Variants in NRG3 observed in about 807,000 individuals in gnomAD.
NRG3 encodes the protein neuregulin 3.
A neutral mutation model predicts 66.9 loss-of-function variants in NRG3; 31 were observed. That is an observed-to-expected ratio of 0.46 (90% CI 0.35 to 0.63). The LOEUF (loss-of-function observed/expected upper bound fraction) is 0.63, where lower values mean the gene tolerates loss of function less well. Ranked by LOEUF, NRG3 falls within the 20% of genes least tolerant of loss-of-function variation. The pLI is 0.00. For synonymous variants in NRG3, 393 were observed against 359.4 expected (o/e 1.09, Z -1.06); for missense variants, 910 against 878.9 (o/e 1.04, Z -0.45).
chr10:82,680,167 A>G (rs1029278981), intron 2 of NRG3, among the ~76,000 whole-genome samples: 3 of 152,140 alleles, frequency 2.0e-5, no homozygotes, highest in African/African-American at 7.2e-5. Flanking sequence ...AATAGGTACT[A>G]TTGTTGCAAT....
chr10:82,827,283 A>C (rs1037611731), intron 3 of NRG3: 1 of 347,528 alleles, frequency 2.9e-6, no homozygotes, highest in African/African-American at 2.2e-5. Context: ...ACAACAACAA[A>C]AAGAAAACAA....
intron 2 of NRG3, among the ~76,000 whole-genome samples, chr10:82,419,958 T>A (rs2136227808): frequency 6.6e-6 from 1 of 152,306 alleles, no homozygotes; most frequent in East Asian, 1.9e-4. Context: ...TGGTCTATAT[T>A]GTTCCTCTAG....
rs1419344637 is a variant in NRG3, at chr10:81,875,779, T to A, written c.439T>A (p.Ser147Thr). 1.9e-6 allele frequency: 3 copies of A among 1,611,226 alleles called. No homozygotes were observed. The East Asian group carries it at 6.7e-5, about 36-fold the overall frequency. ...CACCCCCTCCGCCGGGGGTGCCGCC[T>A]CCTCCAGGACGCCCAACCGGATTAG... ...PATPSAGGAA[S>T]SRTPNRISTR... Residue 147 changes from serine to threonine, a missense_variant, in exon 1 of 9, where the codon TCC (serine) becomes ACC (threonine). Physicochemically the swap from Ser to Thr is moderately conservative, Grantham distance 58 (BLOSUM62 1). Coordinates refer to ENST00000372141, the MANE Select transcript of NRG3 (RefSeq NM_001010848.4). This position sits in a 1 kb window ranked among gnomAD's most constrained non-coding sequence, Gnocchi z 5.3.
At chr10:82,721,693 G>T (rs1828266389) in intron 2 of NRG3, among the ~76,000 whole-genome samples, 1 of 152,294 alleles carries the variant, frequency 6.6e-6, no homozygotes, top group East Asian at 1.9e-4. Context: ...AAAATGCTGG[G>T]ATTACAGGCG....
chr10:82,329,051 G>T (rs2082009854), intron 1 of NRG3, among the ~76,000 whole-genome samples: 1 of 152,156 alleles, frequency 6.6e-6, no homozygotes, highest in Admixed American at 6.6e-5. Flanking sequence ...GGTATACAGG[G>T]GAGTGGAGAA....
chr10:82,539,031 A>G (rs185878456), intron 2 of NRG3, among the ~76,000 whole-genome samples: 45 of 152,306 alleles, frequency 3.0e-4, no homozygotes, highest in African/African-American at 1.0e-3. Context: ...TCATCCCGCA[A>G]GATTGGATTT....
intron 5 of NRG3, 99 bp from the exon 6 acceptor site, chr10:82,958,850 G>C: frequency 7.6e-7 from 1 of 1,323,016 alleles, no homozygotes; most frequent in South Asian, 1.9e-5. Context: ...TTTAACTTTA[G>C]CAAATAACAA....
intron 2 of NRG3, among the ~76,000 whole-genome samples, chr10:82,474,633 A>G (rs1276529069): frequency 6.6e-6 from 1 of 152,132 alleles, no homozygotes; most frequent in Non-Finnish European, 1.5e-5. Flanking sequence ...GGCCATTACC[A>G]AGGGGACCAA....
chr10:82,457,067 T>G (rs2091298301), intron 2 of NRG3, among the ~76,000 whole-genome samples: 1 of 152,164 alleles, frequency 6.6e-6, no homozygotes, highest in Non-Finnish European at 1.5e-5. Flanking sequence ...TAGAGCTACG[T>G]AATCATTCCT....
At chr10:82,311,608 T>C (rs1312692653) in intron 1 of NRG3, among the ~76,000 whole-genome samples, 1 of 152,090 alleles carries the variant, frequency 6.6e-6, no homozygotes, top group Non-Finnish European at 1.5e-5. Context: ...GTGTGGCAGG[T>C]AGGATCAGGA....
chr10:82,870,823 C>T (rs1018437445), intron 4 of NRG3, among the ~76,000 whole-genome samples: 9 of 151,978 alleles, frequency 5.9e-5, no homozygotes, highest in Admixed American at 5.9e-4. Flanking sequence ...AAAAATGATC[C>T]TTTATTAGAT....
intron 1 of NRG3, among the ~76,000 whole-genome samples, chr10:82,276,548 A>T (rs956669930): frequency 3.3e-5 from 5 of 152,072 alleles, no homozygotes; most frequent in Non-Finnish European, 7.4e-5. Flanking sequence ...AAAGAAATGA[A>T]ACACAGAATT....
chr10:82,067,230 A>G (rs1029181286), intron 1 of NRG3, among the ~76,000 whole-genome samples: 3 of 152,216 alleles, frequency 2.0e-5, no homozygotes, highest in African/African-American at 7.2e-5. Flanking sequence ...GTCATCAACT[A>G]TTGTAATTCA....
At chr10:82,851,126 T>G (rs184810989) in intron 3 of NRG3, among the ~76,000 whole-genome samples, 12 of 152,350 alleles carry the variant, frequency 7.9e-5, no homozygotes, top group Non-Finnish European at 1.8e-4. Flanking sequence ...CTTAAAAACT[T>G]AAGCTGTATT....
chr10:82,954,468 C>T (rs1431951108), intron 5 of NRG3, among the ~76,000 whole-genome samples: 1 of 151,820 alleles, frequency 6.6e-6, no homozygotes, highest in African/African-American at 2.4e-5. Context: ...AGGGTAGGCT[C>T]AGAGGACTGC....
At chr10:82,727,746 G>T (rs2057682750) in intron 2 of NRG3, among the ~76,000 whole-genome samples, 1 of 152,130 alleles carries the variant, frequency 6.6e-6, no homozygotes, top group African/African-American at 2.4e-5. Context: ...ACCCCAGAAT[G>T]GTAGATCCAC....
intron 4 of NRG3, among the ~76,000 whole-genome samples, chr10:82,916,057 T>C (rs1045002126): frequency 1.3e-5 from 2 of 152,206 alleles, no homozygotes; most frequent in African/African-American, 2.4e-5. Flanking sequence ...TATCATGTTC[T>C]ATTTGTATAA....
rs980794118 is a variant in NRG3, at chr10:82,569,601, G to A, written c.954-168976G>A. ...CTGTTTCCCATTCTGTTTTCTCCAC[G>A]GAATGCTTCTTAGAAAACGTTTTGG... On this transcript the variant is annotated intron_variant, in intron 2 of 8. Transcript: ENST00000372141. Among the ~76,000 whole-genome samples the A allele has an allele frequency of 1.3e-4, 19 of 151,632 alleles. 1 individual carries two copies. Among genetic ancestry groups the A allele is most frequent in the Admixed American group, 4.6e-4 (7 of 15,168 alleles).
chr10:82,232,630 A>G lies in NRG3; in HGVS notation c.824-126109A>G, dbSNP rs373540711. Reference sequence around the variant, plus strand: ...CTCTTTTGCTGCATCTATAAATATTATGATTTGTCAGAAATTTTGTTTTGT... The same window carrying G: ...CTCTTTTGCTGCATCTATAAATATTGTGATTTGTCAGAAATTTTGTTTTGT... On this transcript the variant is annotated intron_variant, in intron 1 of 8. Coordinates refer to ENST00000372141, the MANE Select transcript of NRG3 (RefSeq NM_001010848.4). The G allele has an allele frequency of 1.1e-5, 7 of 625,458 alleles. No individual in the cohort carries two copies. The East Asian group carries it at 1.4e-4, about 12-fold the overall frequency. The allele number at this position is 625,458 out of a possible 1,614,324, so 38.7% of individuals were successfully genotyped here.
Sources: gnomAD v4.1 joint callset for allele counts (sites outside exome capture counted in the v4.1 genomes callset) on GRCh38, gnomAD v4.1.1 for gene constraint, Gnocchi (gnomAD v3.1) non-coding constraint, MANE v1.5 for transcripts, NCBI Gene and HGNC (gene_info 2026-07-23, HGNC 2026-07-21) for gene names.